Variants in DIP2C observed in about 807,000 individuals in gnomAD.
DIP2C encodes disco-interacting protein 2 homolog C.
A neutral mutation model predicts 192.4 loss-of-function variants in DIP2C; 33 were observed. That is an observed-to-expected ratio of 0.17 (90% CI 0.13 to 0.23). The LOEUF is 0.23. DIP2C is among the 10% of genes least tolerant of loss of function. DIP2C has a pLI of 1.00. For missense variants in DIP2C, 1,537 were observed against 2,110.1 expected (o/e 0.73, Z 5.32); for synonymous variants, 979 against 864.1 (o/e 1.13, Z -2.33).
At chr10:607,115 GC>G (rs1852548232) in intron 1 of DIP2C, among the ~76,000 whole-genome samples, 1 of 152,212 alleles carries the variant, frequency 6.6e-6, no homozygotes, top group South Asian at 2.1e-4. Flanking sequence ...CCTCGGTGGG[GC>G]TCTCCTGCCA....
chr10:445,409 A>G (rs11252468), intron 3 of DIP2C, among the ~76,000 whole-genome samples: 9,493 of 149,822 alleles, frequency 0.063, 410 homozygotes, highest in East Asian at 0.16. Context: ...TATTGGTTGC[A>G]AAGAGTATAT....
intron 6 of DIP2C, among the ~76,000 whole-genome samples, chr10:417,409 C>A (rs1378499404): frequency 6.8e-6 from 1 of 147,088 alleles, no homozygotes; most frequent in Admixed American, 6.9e-5. Context: ...ACAAGAATAA[C>A]AAAAATGGCC....
In DIP2C at chr10:611,120, G is replaced by A. The variant is rs138262220; in HGVS notation, c.85+78374C>T. On this transcript the variant is annotated intron_variant, in intron 1 of 36. Transcript: ENST00000280886. ...TGACTCATGAGGGAGGTTTCTAATG[G>A]TTTAGCACAATCCCAAGTGCTGTCT... 4.9e-3 allele frequency among the ~76,000 whole-genome samples: 752 copies of A among 152,236 alleles called. 6 individuals are homozygous for A. The highest frequency in any genetic ancestry group is 0.02 in the Middle Eastern group (6 of 294).
intron 1 of DIP2C, among the ~76,000 whole-genome samples, chr10:544,984 C>T (rs1848201352): frequency 6.6e-6 from 1 of 152,046 alleles, no homozygotes; most frequent in East Asian, 1.9e-4. Flanking sequence ...CTTAATTCAA[C>T]GTAACAGTTT....
intron 24 of DIP2C, among the ~76,000 whole-genome samples, chr10:350,554 C>A (rs1183749819): frequency 9.3e-5 from 14 of 151,046 alleles, no homozygotes; most frequent in Non-Finnish European, 1.8e-4. Flanking sequence ...TTCCCTCAAG[C>A]AGTGGGCAAC....
chr10:685,135 CAAAAA>C (rs140709069), intron 1 of DIP2C, among the ~76,000 whole-genome samples: 19 of 72,960 alleles, frequency 2.6e-4, no homozygotes, highest in African/African-American at 1.1e-3. Context: ...ACTTGGTCCC[CAAAAA>C]AAAAAAAAAA....
chr10:440,147 A>G (rs1055104284), intron 4 of DIP2C, among the ~76,000 whole-genome samples: 1 of 152,188 alleles, frequency 6.6e-6, no homozygotes, highest in African/African-American at 2.4e-5. Flanking sequence ...GAAAATAGAG[A>G]ATTTGGGTAG....
At chr10:583,974 C>A (rs565251378) in intron 1 of DIP2C, among the ~76,000 whole-genome samples, 1 of 152,126 alleles carries the variant, frequency 6.6e-6, no homozygotes, top group Non-Finnish European at 1.5e-5. Context: ...GAGAGAGGCG[C>A]GGGGGCCAGG....
At chr10:461,500 T>C (rs527329860) in intron 3 of DIP2C, among the ~76,000 whole-genome samples, 2 of 152,206 alleles carry the variant, frequency 1.3e-5, no homozygotes, top group African/African-American at 4.8e-5. Context: ...CCTAAATATA[T>C]ACATACCCAA....
rs1419247502 is a variant in DIP2C at position 329,541 on chromosome 10, G to C, written c.3645C>G (p.Ala1215=). ...IPPSELETNP[A]LWLLAVSQYK... ...ACTGACTCACGGCAAGAAGCCACAA[G>C]GCGGGGTTGGTTTCCAGCTCAGAGG... The change falls in exon 30 of 37, where the codon GCC becomes GCG. Residue 1215 remains alanine (A), a synonymous_variant. Transcript: ENST00000280886. 1.9e-6 allele frequency: 3 copies of C among 1,614,120 alleles called. No homozygotes were observed. Among genetic ancestry groups the C allele is most frequent in the Non-Finnish European group, 2.5e-6 (3 of 1,180,054 alleles).
chr10:358,448 G>A (rs374050424), intron 22 of DIP2C, among the ~76,000 whole-genome samples: 19 of 148,310 alleles, frequency 1.3e-4, no homozygotes, highest in South Asian at 4.6e-4. Flanking sequence ...GGATAGAGTC[G>A]CTTCTCGGTA....
chr10:303,100 C>T (rs1020003660), intron 32 of DIP2C, among the ~76,000 whole-genome samples: 4 of 152,188 alleles, frequency 2.6e-5, no homozygotes, highest in African/African-American at 4.8e-5. Flanking sequence ...CATCACCGCA[C>T]GCGGCTGTAG....
chr10:350,533 G>A (rs921501394), intron 24 of DIP2C, among the ~76,000 whole-genome samples: 2 of 151,910 alleles, frequency 1.3e-5, no homozygotes. Flanking sequence ...GCTATTAACA[G>A]GGTGAGGATC....
intron 1 of DIP2C, among the ~76,000 whole-genome samples, chr10:641,384 C>T (rs543884184): frequency 6.6e-6 from 1 of 152,304 alleles, no homozygotes; most frequent in African/African-American, 2.4e-5. Flanking sequence ...CCGGCCCGCA[C>T]ATCTCTGCTC....
intron 1 of DIP2C, among the ~76,000 whole-genome samples, chr10:617,980 G>A (rs1314515020): frequency 1.3e-5 from 2 of 152,210 alleles, no homozygotes; most frequent in African/African-American, 2.4e-5. Context: ...TGAGCTCCAA[G>A]AGCTTGAGGT....
chr10:340,460 T>A (rs1958089827), intron 29 of DIP2C, among the ~76,000 whole-genome samples: 1 of 152,164 alleles, frequency 6.6e-6, no homozygotes, highest in African/African-American at 2.4e-5. Context: ...GCTCTATGCT[T>A]ACTTGCTTGA....
intron 9 of DIP2C, among the ~76,000 whole-genome samples, chr10:405,922 C>A (rs1182490480): frequency 1.3e-5 from 2 of 152,210 alleles, no homozygotes; most frequent in South Asian, 2.1e-4. Context: ...CTCATCTTTT[C>A]TCCTCGAGAG....
intron 26 of DIP2C, 152 bp from the exon 27 acceptor site, chr10:345,262 G>A (rs1483552758): frequency 1.0e-5 from 8 of 796,328 alleles, no homozygotes; most frequent in Non-Finnish European, 1.7e-5. Flanking sequence ...GCTAAGGTAG[G>A]ACAGAGCTAG....
Position 365,081 on chromosome 10 carries a change from T to G in DIP2C, c.2269-499A>C, listed in dbSNP as rs192260155. On this transcript the variant is annotated intron_variant, in intron 19 of 36. Coordinates refer to ENST00000280886, the MANE Select transcript of DIP2C (RefSeq NM_014974.3). ...CAGTTCAAACTCTAACCCTCTTTTT[T>G]CCTCCACCCTTGCAGATAAACCAGA... 1,062 of 497,102 alleles carry G rather than the reference T, an allele frequency of 2.1e-3. 2 individuals carry two copies. Among genetic ancestry groups the G allele is most frequent in the Non-Finnish European group, 3.4e-3 (831 of 242,052 alleles). The allele number at this position is 497,102 out of a possible 1,614,324, so 30.8% of individuals were successfully genotyped here. A position where few individuals can be genotyped will look rare whatever the true frequency, so the allele number is the denominator to read the frequency against.
Sources: gnomAD v4.1 joint callset for allele counts (sites outside exome capture counted in the v4.1 genomes callset) on GRCh38, gnomAD v4.1.1 for gene constraint, MANE v1.5 for transcripts, NCBI Gene and HGNC (gene_info 2026-07-23, HGNC 2026-07-21) for gene names.